Variants in ACTA2 observed in about 807,000 individuals in gnomAD.
The protein encoded by ACTA2 is actin alpha 2, smooth muscle, also known as actin, aortic smooth muscle.
In ACTA2, 12 loss-of-function variants were observed where a neutral mutation model predicts 39.5. That is an observed-to-expected ratio of 0.30 (90% CI 0.19 to 0.49). The LOEUF (loss-of-function observed/expected upper bound fraction) is 0.49, where lower values mean the gene tolerates loss of function less well. Ranked by LOEUF, ACTA2 falls within the 20% of genes least tolerant of loss-of-function variation. The pLI, the probability that ACTA2 is intolerant of heterozygous loss-of-function variation, is 0.99. For missense variants in ACTA2, 236 were observed against 498.8 expected, an observed-to-expected ratio of 0.47 and a Z score of 5.02; for synonymous variants, 158 against 180.6, an observed-to-expected ratio of 0.88 and a Z score of 1.00.
chr10:88,975,257 G>A (rs528221604), intron 1 of ACTA2: 3 of 152,100 alleles, frequency 2.0e-5, no homozygotes, highest in African/African-American at 7.2e-5. Context: ...GGAAAAGATT[G>A]CTAAATTTAT....
At chr10:88,989,461 T>G (rs1847036102) in intron 1 of ACTA2, 2 of 541,650 alleles carry the variant, frequency 3.7e-6, no homozygotes, top group Non-Finnish European at 7.3e-6. Flanking sequence ...TCTTTTTGTG[T>G]CTATTAGATG....
rs1414484937 is a variant in ACTA2, at chr10:88,978,534, C to G, written c.-24+12405G>C. Among the ~76,000 whole-genome samples the G allele has an allele frequency of 2.6e-5, 4 of 152,200 alleles. No homozygotes were observed. The East Asian group carries it at 7.7e-4, about 29-fold the overall frequency. ...TGCTCAGCCTTTCATCACCCCTGCT[C>G]TGACCTGTTGGAAAGTGGTAAGAGA... On this transcript the variant is annotated intron_variant, in intron 1 of 4. Transcript: ENST00000415557.
chr10:88,938,503 CT>C (rs1213211986), intron 7 of ACTA2: 6 of 469,704 alleles, frequency 1.3e-5, no homozygotes, highest in African/African-American at 7.9e-5. Context: ...AATAGACTCA[CT>C]ACTCACTCCA....
intron 7 of ACTA2, 107 bp from the exon 8 acceptor site, chr10:88,938,349 G>T: frequency 2.4e-6 from 3 of 1,259,076 alleles, no homozygotes; most frequent in East Asian, 2.3e-5. Flanking sequence ...GACTGAGGCT[G>T]GGAAGACATA....
intron 1 of ACTA2, among the ~76,000 whole-genome samples, chr10:88,969,301 T>A (rs1204248230): frequency 6.6e-6 from 1 of 152,110 alleles, no homozygotes; most frequent in Non-Finnish European, 1.5e-5. Flanking sequence ...CAATTTTCCA[T>A]CAAAAAAAAA....
intron 1 of ACTA2, among the ~76,000 whole-genome samples, chr10:88,979,738 A>G (rs1187870295): frequency 6.6e-6 from 1 of 152,180 alleles, no homozygotes; most frequent in East Asian, 1.9e-4. Context: ...AAAAGGTTAC[A>G]TGTGCTTGAC....
In ACTA2 at chr10:88,990,248, G is replaced by A. The variant is rs1456472023; in HGVS notation, c.-24+691C>T. 6.6e-6 allele frequency among the ~76,000 whole-genome samples: 1 copy of A among 152,194 alleles called. No individual in the cohort carries two copies. Among genetic ancestry groups the A allele is most frequent in the East Asian group, 1.9e-4 (1 of 5,202 alleles). On this transcript the variant is annotated intron_variant, in intron 1 of 4. Coordinates refer to the ACTA2 transcript ENST00000415557. This position sits in a 1 kb window ranked among gnomAD's most constrained non-coding sequence, Gnocchi z 4.9. ...TCATGTTGCAGCCACAACATGGACA[G>A]CCCAGTCAAATGCCCCGCAAGTCTT...
intron 7 of ACTA2, among the ~76,000 whole-genome samples, chr10:88,938,794 A>C (rs1845795022): frequency 6.6e-6 from 1 of 151,940 alleles, no homozygotes; most frequent in South Asian, 2.1e-4. Flanking sequence ...TTTTCAAAAA[A>C]CCTCTAGGTG....
chr10:88,974,245 T>C (rs1846513854), intron 1 of ACTA2: 1 of 149,792 alleles, frequency 6.7e-6, no homozygotes, highest in South Asian at 2.1e-4. Flanking sequence ...GCTTGACTCT[T>C]TGGTGAAAAA....
rs1461306311 is a variant in ACTA2 at position 88,947,277 on chromosome 10, T to C, written c.239A>G (p.Asn80Ser). ...CCATACCTTTTCCATGTCGTCCCAG[T>C]TGGTGATGATGCCATGTTCTATCGG... Reference protein sequence around the residue: ...KYPIEHGIITNWDDMEKIWHH... With the variant: ...KYPIEHGIITSWDDMEKIWHH... Residue 80 changes from asparagine (N) to serine (S), a missense_variant, in exon 3 of 9, where the codon AAC (asparagine) becomes AGC (serine). Physicochemically the swap from Asn to Ser is conservative, Grantham distance 46. Coordinates refer to ENST00000224784, the MANE Select transcript of ACTA2 (RefSeq NM_001613.4). 3 of 1,613,856 alleles carry C rather than the reference T, an allele frequency of 1.9e-6. No homozygotes were observed. The highest frequency in any genetic ancestry group is 1.1e-5 in the South Asian group (1 of 91,094).
At chr10:88,968,778 G>A (rs185516518) in intron 1 of ACTA2, among the ~76,000 whole-genome samples, 28 of 152,142 alleles carry the variant, frequency 1.8e-4, no homozygotes, top group Admixed American at 7.2e-4. Context: ...AGGCATTTCT[G>A]TCCTCTTTTC....
intron 1 of ACTA2, chr10:88,973,241 A>G (rs1846489544): frequency 6.2e-7 from 1 of 1,612,606 alleles, no homozygotes; most frequent in Admixed American, 1.7e-5. Flanking sequence ...AGCCCCTGAA[A>G]ATTGGCTATG....
intron 3 of ACTA2, among the ~76,000 whole-genome samples, chr10:88,944,476 A>C (rs1446429705): frequency 6.6e-6 from 1 of 152,248 alleles, no homozygotes; most frequent in Admixed American, 6.5e-5. Context: ...AGACAAATGA[A>C]TGTATATATG....
chr10:88,958,116 T>C (rs1280683487), intron 1 of ACTA2, among the ~76,000 whole-genome samples: 3 of 152,214 alleles, frequency 2.0e-5, no homozygotes, highest in Non-Finnish European at 4.4e-5. Context: ...CATACTACTT[T>C]GTGTTTGCCT....
At chr10:88,981,365 G>A (rs11202917) in intron 1 of ACTA2, among the ~76,000 whole-genome samples, 16,647 of 147,456 alleles carry the variant, frequency 0.11, 1,345 homozygotes, top group East Asian at 0.43. Context: ...ATTAACCATC[G>A]GGTTAAGAGA....
chr10:88,982,430 T>C (rs984959801), intron 1 of ACTA2, among the ~76,000 whole-genome samples: 1 of 149,088 alleles, frequency 6.7e-6, no homozygotes, highest in African/African-American at 2.5e-5. Flanking sequence ...GTTTTTTTCT[T>C]TTTTTTTTTG....
chr10:88,984,209 C>T (rs1846804570), intron 1 of ACTA2, among the ~76,000 whole-genome samples: 1 of 152,146 alleles, frequency 6.6e-6, no homozygotes, highest in Admixed American at 6.5e-5. Context: ...GCAAAGTGTT[C>T]TGATATGTAA....
chr10:88,945,324 A>G (rs1006218030), intron 3 of ACTA2, among the ~76,000 whole-genome samples: 20 of 152,232 alleles, frequency 1.3e-4, no homozygotes, highest in Admixed American at 1.0e-3. Flanking sequence ...ACCTACTGAT[A>G]TGAAATTTTT....
exon 1 of ACTA2, chr10:88,991,066 C>T (rs185376752): frequency 1.1e-6 from 1 of 909,562 alleles, no homozygotes; most frequent in Admixed American, 2.1e-5. Flanking sequence ...GACTGGCTCC[C>T]GGGGGCTGTT....
Sources: gnomAD v4.1 joint callset for allele counts (sites outside exome capture counted in the v4.1 genomes callset) on GRCh38, gnomAD v4.1.1 for gene constraint, Gnocchi (gnomAD v3.1) non-coding constraint, MANE v1.5 for transcripts, NCBI Gene and HGNC (gene_info 2026-07-23, HGNC 2026-07-21) for gene names.